Variants in FBXW7 observed in about 807,000 individuals in gnomAD.
FBXW7 encodes the protein F-box/WD repeat-containing protein 7.
FBXW7 carries 11 observed loss-of-function variants against 86.3 expected under a neutral mutation model. The observed-to-expected ratio is 0.13, with a 90% confidence interval of 0.08 to 0.21. FBXW7 has a LOEUF of 0.21. FBXW7 is among the 10% of genes least tolerant of loss of function. FBXW7 has a pLI of 1.00. For synonymous variants in FBXW7, 313 were observed against 297.9 expected, an observed-to-expected ratio of 1.05 and a Z score of -0.52; for missense variants, 488 against 847.4, an observed-to-expected ratio of 0.58 and a Z score of 5.27.
In FBXW7 at chr4:152,411,698, C is replaced by A. The variant is rs2126881840; in HGVS notation, c.106G>T (p.Val36Leu). ...TGCTGTTGCTGTTCCTCCTCTACCACACGATTCATCTGTTCTTCATCTACC... is the reference window on the plus strand; with the variant it reads ...TGCTGTTGCTGTTCCTCCTCTACCAAACGATTCATCTGTTCTTCATCTACC... ...SQVDEEQMNR[V>L]VEEEQQQQLR... The change falls in exon 4 of 14, where the codon GTG becomes TTG. Residue 36 changes from valine (V) to leucine (L), a missense_variant. Around this residue, in one of 4 missense-constraint regions of FBXW7, gnomAD observed 230 missense variants for 240.0 expected, o/e 0.96. Transcript: ENST00000281708. 1 of 1,613,870 alleles carries A rather than the reference C, an allele frequency of 6.2e-7. No individual in the cohort carries two copies. The highest frequency in any genetic ancestry group is 8.5e-7 in the Non-Finnish European group (1 of 1,179,872).
chr4:152,363,154 T>C (rs1431226003), intron 4 of FBXW7, among the ~76,000 whole-genome samples: 1 of 152,162 alleles, frequency 6.6e-6, no homozygotes, highest in African/African-American at 2.4e-5. Flanking sequence ...TAACTCCAAA[T>C]TCCATTATAA....
At chr4:152,387,796 C>T (rs1477548748) in intron 4 of FBXW7, among the ~76,000 whole-genome samples, 3 of 148,932 alleles carry the variant, frequency 2.0e-5, no homozygotes, top group Non-Finnish European at 4.4e-5. Flanking sequence ...GCAACCTCCG[C>T]CTCCCAGGTT....
At chr4:152,337,452 TCTA>T (rs1277663138) in intron 7 of FBXW7, among the ~76,000 whole-genome samples, 1 of 151,886 alleles carries the variant, frequency 6.6e-6, no homozygotes, top group Non-Finnish European at 1.5e-5. Flanking sequence ...TTTTAAAAAA[TCTA>T]CTATCATGAA....
intron 4 of FBXW7, among the ~76,000 whole-genome samples, chr4:152,392,986 A>G (rs894095348): frequency 4.6e-5 from 7 of 152,156 alleles, no homozygotes; most frequent in African/African-American, 1.7e-4. Context: ...TCACTTTTGG[A>G]TTTCCTAAAA....
At chr4:152,476,980 A>G (rs1744459412) in intron 2 of FBXW7, among the ~76,000 whole-genome samples, 1 of 152,116 alleles carries the variant, frequency 6.6e-6, no homozygotes, top group Non-Finnish European at 1.5e-5. Context: ...CTGTTATGCA[A>G]TCCACAGTGT....
At chr4:152,403,986 A>G (rs1407408878) in intron 4 of FBXW7, among the ~76,000 whole-genome samples, 1 of 152,252 alleles carries the variant, frequency 6.6e-6, no homozygotes, top group Non-Finnish European at 1.5e-5. Flanking sequence ...AACGGATACT[A>G]CTATGCTATT....
intron 4 of FBXW7, among the ~76,000 whole-genome samples, chr4:152,355,248 TA>T (rs1177488186): frequency 6.6e-6 from 1 of 152,126 alleles, no homozygotes; most frequent in Non-Finnish European, 1.5e-5. Context: ...TTTGAAACTT[TA>T]TTCAGATTTA....
At chr4:152,509,724 GT>G (rs1747786388) in intron 2 of FBXW7, among the ~76,000 whole-genome samples, 1 of 152,134 alleles carries the variant, frequency 6.6e-6, no homozygotes, top group Admixed American at 6.5e-5. Context: ...TTTTGAATCA[GT>G]AAGTATATAC....
chr4:152,445,116 G>A (rs1043048557), intron 2 of FBXW7, among the ~76,000 whole-genome samples: 7 of 152,146 alleles, frequency 4.6e-5, no homozygotes, highest in East Asian at 1.9e-4. Context: ...GTGAGCCACC[G>A]TGCCCAGCCC....
intron 4 of FBXW7, among the ~76,000 whole-genome samples, chr4:152,401,652 C>A (rs534127709): frequency 6.6e-6 from 1 of 152,278 alleles, no homozygotes; most frequent in South Asian, 2.1e-4. Context: ...GAGTGCACAA[C>A]ACCAAGAGTG....
At chr4:152,343,545 A>G (rs779461282) in intron 6 of FBXW7, among the ~76,000 whole-genome samples, 1 of 152,208 alleles carries the variant, frequency 6.6e-6, no homozygotes, top group Non-Finnish European at 1.5e-5. Flanking sequence ...TTTAAGAGAC[A>G]ATGTCAAAAT....
chr4:152,388,461 G>A (rs1263694791), intron 4 of FBXW7, among the ~76,000 whole-genome samples: 1 of 151,952 alleles, frequency 6.6e-6, no homozygotes, highest in Non-Finnish European at 1.5e-5. Flanking sequence ...ATTATATAAG[G>A]TATTGTAACT....
chr4:152,321,920 C>T lies in FBXW7; in HGVS notation c.*961G>A, dbSNP rs1728588575. 4.3e-6 allele frequency: 1 copy of T among 232,736 alleles called. No individual in the cohort carries two copies. The allele number at this position is 232,736 out of a possible 1,614,324, so 14.4% of individuals were successfully genotyped here. ...AAACTTCACTCTTTATTATCTGAAA[C>T]TCTTCCATTCTCAGCCTCTTAGAGG... On this transcript the variant is annotated 3_prime_UTR_variant, in exon 14 of 14. Transcript: ENST00000281708.
chr4:152,369,995 AGAG>A (rs1733868000), intron 4 of FBXW7, among the ~76,000 whole-genome samples: 1 of 152,032 alleles, frequency 6.6e-6, no homozygotes. Context: ...ATGTTATCTT[AGAG>A]AAGAACAAAC....
At chr4:152,528,009 T>A (rs1019244365) in intron 2 of FBXW7, among the ~76,000 whole-genome samples, 4 of 152,102 alleles carry the variant, frequency 2.6e-5, no homozygotes, top group Non-Finnish European at 5.9e-5. Flanking sequence ...TTTAAGATGC[T>A]GTGAGATGAA....
intron 4 of FBXW7, among the ~76,000 whole-genome samples, chr4:152,409,372 A>G (rs1043876135): frequency 6.6e-6 from 1 of 152,160 alleles, no homozygotes; most frequent in African/African-American, 2.4e-5. Context: ...CAAGAATTTA[A>G]AGCTCTTCCA....
intron 2 of FBXW7, among the ~76,000 whole-genome samples, chr4:152,533,644 A>T (rs929092797): frequency 6.6e-6 from 1 of 152,240 alleles, no homozygotes; most frequent in Non-Finnish European, 1.5e-5. Flanking sequence ...TAAAATTAAG[A>T]AAAGATGAAC....
intron 2 of FBXW7, among the ~76,000 whole-genome samples, chr4:152,432,391 G>C (rs548848624): frequency 1.1e-4 from 16 of 152,314 alleles, no homozygotes; most frequent in African/African-American, 3.1e-4. Flanking sequence ...TACAGACAGA[G>C]ATGTTTTTAA....
chr4:152,446,788 G>A (rs1054694282), intron 2 of FBXW7, among the ~76,000 whole-genome samples: 4 of 152,056 alleles, frequency 2.6e-5, no homozygotes, highest in Non-Finnish European at 4.4e-5. Flanking sequence ...TGTCATAGAC[G>A]GCACTCCAGT....
Sources: allele counts gnomAD v4.1 joint callset (sites outside exome capture counted in the v4.1 genomes callset), GRCh38; gene constraint gnomAD v4.1.1; regional missense constraint gnomAD v4.1.1; transcripts MANE v1.5; gene names NCBI Gene and HGNC (gene_info 2026-07-23, HGNC 2026-07-21).